The following TEK variants were observed in gnomAD, a reference collection of about 807,000 sequenced individuals.
TEK encodes angiopoietin-1 receptor.
A neutral mutation model predicts 131.8 loss-of-function variants in TEK; 43 were observed. That is an observed-to-expected ratio of 0.33 (90% CI 0.26 to 0.42). The LOEUF is 0.42. Ranked by LOEUF, TEK falls within the 10% of genes least tolerant of loss-of-function variation. The probability of loss-of-function intolerance (pLI) is 1.00; values close to 1 mark genes in which losing one functional copy is unlikely to be tolerated. For synonymous variants in TEK, 580 were observed against 491.6 expected (o/e 1.18, Z -2.38); for missense variants, 1,162 against 1,384.4 (o/e 0.84, Z 2.55).
At chr9:27,212,645 C>A in intron 16 of TEK, 62 bp from the exon 17 acceptor site, 2 of 1,576,560 alleles carry the variant, frequency 1.3e-6, no homozygotes, top group Non-Finnish European at 1.7e-6. Context: ...CACAGCACAT[C>A]TCTTAAATGT....
chr9:27,120,241 ACT>A (rs1355966509), intron 1 of TEK, among the ~76,000 whole-genome samples: 1 of 151,774 alleles, frequency 6.6e-6, no homozygotes, highest in Non-Finnish European at 1.5e-5. Context: ...GTCATACCAG[ACT>A]CTTTGCAGTT....
At chr9:27,184,763 T>TA (rs1480381232) in intron 8 of TEK, among the ~76,000 whole-genome samples, 3 of 152,114 alleles carry the variant, frequency 2.0e-5, no homozygotes, top group Non-Finnish European at 4.4e-5. Context: ...AGAGGCCAGA[T>TA]ACGGTGACTC....
intron 18 of TEK, among the ~76,000 whole-genome samples, chr9:27,214,463 A>G (rs1438182395): frequency 5.3e-5 from 8 of 152,132 alleles, no homozygotes; most frequent in Non-Finnish European, 8.8e-5. Flanking sequence ...GATATAGACA[A>G]TCTTTTTGCT....
chr9:27,147,094 G>A (rs956601415), intron 1 of TEK, among the ~76,000 whole-genome samples: 1 of 151,996 alleles, frequency 6.6e-6, no homozygotes, highest in African/African-American at 2.4e-5. Context: ...GGGATTGTTG[G>A]GTGATACGTA....
chr9:27,209,162 C>G lies in TEK; in HGVS notation c.2617C>G (p.Leu873Val). 2 of 1,614,030 alleles carry G rather than the reference C, an allele frequency of 1.2e-6. No homozygotes were observed. Among genetic ancestry groups the G allele is most frequent in the Non-Finnish European group, 1.7e-6 (2 of 1,179,930 alleles). The change falls in exon 16 of 23, where the codon CTG becomes GTG. Residue 873 changes from leucine to valine, a missense_variant. Around this residue, in one of 6 missense-constraint regions of TEK, gnomAD observed 57 missense variants for 100.8 expected, o/e 0.57. Transcript: ENST00000380036. ...KDDHRDFAGE[L>V]EVLCKLGHHP... ...TGATCACAGGGACTTTGCAGGAGAA[C>G]TGGAAGTTCTTTGTAAACTTGGACA...
chr9:27,117,116 C>T (rs1172562691), intron 1 of TEK, among the ~76,000 whole-genome samples: 1 of 151,686 alleles, frequency 6.6e-6, no homozygotes, highest in Non-Finnish European at 1.5e-5. Context: ...CCGCCTGCCT[C>T]GGCCTCCCAA....
chr9:27,111,141 A>C (rs1479964678), intron 1 of TEK, among the ~76,000 whole-genome samples: 1 of 152,160 alleles, frequency 6.6e-6, no homozygotes, highest in African/African-American at 2.4e-5. Flanking sequence ...AAAATCAAAC[A>C]AAAAGGTATG....
At chr9:27,165,563 A>G (rs1197531095) in intron 2 of TEK, among the ~76,000 whole-genome samples, 1 of 152,184 alleles carries the variant, frequency 6.6e-6, no homozygotes, top group Non-Finnish European at 1.5e-5. Context: ...TGCTGTTTAT[A>G]TTAGAAGGAT....
intron 1 of TEK, among the ~76,000 whole-genome samples, chr9:27,134,638 A>G (rs17694796): frequency 0.12 from 18,975 of 152,250 alleles, 1,510 homozygotes; most frequent in Middle Eastern, 0.27. Context: ...TTCAGTTCCT[A>G]GAGTACATGG....
chr9:27,206,834 T>G, intron 15 of TEK, 42 bp downstream of exon 15: 1 of 1,596,862 alleles, frequency 6.3e-7, no homozygotes, highest in Non-Finnish European at 8.5e-7. Flanking sequence ...CGTGAGGGTG[T>G]GGAGAAAACT....
At chr9:27,214,962 A>G (rs1825764516) in intron 18 of TEK, among the ~76,000 whole-genome samples, 1 of 152,134 alleles carries the variant, frequency 6.6e-6, no homozygotes, top group African/African-American at 2.4e-5. Flanking sequence ...TCACTCACCT[A>G]CCTACTCCAG....
At chr9:27,209,266 T>C (rs755390639) in intron 16 of TEK, 35 bp downstream of exon 16, 1 of 1,461,308 alleles carries the variant, frequency 6.8e-7, no homozygotes, top group Non-Finnish European at 9.6e-7. Flanking sequence ...CCTGCCAGAG[T>C]TTTTATAAAA....
intron 2 of TEK, among the ~76,000 whole-genome samples, chr9:27,165,123 AG>A (rs113719240): frequency 0.025 from 3,840 of 152,202 alleles, 168 homozygotes; most frequent in African/African-American, 0.088. Flanking sequence ...AGAAAACAGG[AG>A]GTTAAAAAGC....
chr9:27,200,162 A>T (rs1332517639), intron 12 of TEK, among the ~76,000 whole-genome samples: 1 of 152,100 alleles, frequency 6.6e-6, no homozygotes, highest in Non-Finnish European at 1.5e-5. Context: ...AGGTTCTCAT[A>T]TTCATTTTGC....
intron 13 of TEK, among the ~76,000 whole-genome samples, chr9:27,204,317 C>G (rs1825325133): frequency 6.6e-6 from 1 of 152,138 alleles, no homozygotes; most frequent in Non-Finnish European, 1.5e-5. Context: ...ATAGATTTGA[C>G]CATAGTCTTT....
At chr9:27,127,322 T>G (rs1822025003) in intron 1 of TEK, among the ~76,000 whole-genome samples, 1 of 152,256 alleles carries the variant, frequency 6.6e-6, no homozygotes, top group African/African-American at 2.4e-5. Flanking sequence ...TTTTTATGAA[T>G]GCATAGTATT....
At chr9:27,228,873 C>A (rs1288619294) in intron 22 of TEK, among the ~76,000 whole-genome samples, 1 of 151,928 alleles carries the variant, frequency 6.6e-6, no homozygotes, top group Non-Finnish European at 1.5e-5. Flanking sequence ...AAGAAGGAAC[C>A]CTAGGGAAGC....
intron 1 of TEK, among the ~76,000 whole-genome samples, chr9:27,156,200 C>G (rs1054245163): frequency 6.6e-6 from 1 of 152,150 alleles, no homozygotes; most frequent in Non-Finnish European, 1.5e-5. Flanking sequence ...GCCCATCCAT[C>G]CATCCCATTC....
At chr9:27,166,581 A>T (rs1823739179) in intron 2 of TEK, among the ~76,000 whole-genome samples, 1 of 152,182 alleles carries the variant, frequency 6.6e-6, no homozygotes, top group East Asian at 1.9e-4. Context: ...ATCATTACAT[A>T]ATGACCATCT....
Sources: allele counts gnomAD v4.1 joint callset (sites outside exome capture counted in the v4.1 genomes callset), GRCh38; gene constraint gnomAD v4.1.1; regional missense constraint gnomAD v4.1.1; transcripts MANE v1.5; gene names NCBI Gene and HGNC (gene_info 2026-07-23, HGNC 2026-07-21).